Variants in NBEAL1 observed in about 807,000 individuals in gnomAD.
NBEAL1 encodes neurobeachin like 1.
A neutral mutation model predicts 351.3 loss-of-function variants in NBEAL1; 273 were observed. The observed-to-expected ratio is 0.78, with a 90% confidence interval of 0.70 to 0.86. The LOEUF (loss-of-function observed/expected upper bound fraction) is 0.86. Among genes scored for constraint, NBEAL1 ranks in the 40% least tolerant of loss-of-function variants. The pLI is 0.00. For missense variants in NBEAL1, 2,961 were observed against 3,201.3 expected (o/e 0.92, Z 1.81); for synonymous variants, 1,050 against 1,086.4 (o/e 0.97, Z 0.66).
chr2:203,167,408 G>A (rs1399839437), intron 38 of NBEAL1, 48 bp downstream of exon 38: 11 of 1,528,662 alleles, frequency 7.2e-6, no homozygotes, highest in Non-Finnish European at 9.7e-6. Flanking sequence ...CTTTAAATAC[G>A]TTTCCAGCTA....
chr2:203,072,092 C>G (rs990682596), intron 7 of NBEAL1, among the ~76,000 whole-genome samples: 6 of 152,206 alleles, frequency 3.9e-5, no homozygotes, highest in African/African-American at 1.4e-4. Context: ...GAGGAAACAG[C>G]CTTGCCTCCT....
At chr2:203,085,315 CTT>C (rs1264566630) in intron 10 of NBEAL1, 5 of 152,236 alleles carry the variant, frequency 3.3e-5, no homozygotes, top group Non-Finnish European at 7.3e-5. Flanking sequence ...GTCTCCATCT[CTT>C]GACCTTGTGA....
At chr2:203,201,870 A>T (rs2065409319) in intron 50 of NBEAL1, among the ~76,000 whole-genome samples, 155 bp downstream of exon 50, 1 of 152,162 alleles carries the variant, frequency 6.6e-6, no homozygotes, top group African/African-American at 2.4e-5. Context: ...TACTTTCTAT[A>T]GGAGTGTCTC....
rs10169440 is a variant in NBEAL1, at chr2:203,214,372, A to C, written c.8070+719A>C. On this transcript the variant is annotated intron_variant, in intron 55 of 55. Coordinates refer to ENST00000683969, the MANE Select transcript of NBEAL1 (RefSeq NM_001378026.1). ...TACCGTCACACAGTCAGTGGCTATA[A>C]TAACCTGTTAAAGATCGTAAAAACC... Among the ~76,000 whole-genome samples, 716 of 152,370 alleles carry C rather than the reference A, an allele frequency of 4.7e-3. 6 individuals are homozygous for C. The highest frequency in any genetic ancestry group is 0.017 in the African/African-American group (687 of 41,590).
chr2:203,086,709 A>G (rs1405588354), intron 10 of NBEAL1, among the ~76,000 whole-genome samples: 1 of 152,050 alleles, frequency 6.6e-6, no homozygotes, highest in African/African-American at 2.4e-5. Context: ...TAATCTTTGT[A>G]TTTTTAGTAG....
At chr2:203,181,236 T>C (rs1478902392) in intron 43 of NBEAL1, 1 of 151,988 alleles carries the variant, frequency 6.6e-6, no homozygotes, top group African/African-American at 2.4e-5. Flanking sequence ...CCGGCCAGCT[T>C]CATTTTTGTG....
At chr2:203,204,893 T>C (rs2065509868) in intron 51 of NBEAL1, among the ~76,000 whole-genome samples, 1 of 152,160 alleles carries the variant, frequency 6.6e-6, no homozygotes, top group African/African-American at 2.4e-5. Context: ...TCAACTCTCA[T>C]GGTTATTAGT....
rs963723437 is a variant in NBEAL1 at position 203,218,174 on chromosome 2, G to A, written c.*820G>A. 2 of 154,270 alleles carry A rather than the reference G, an allele frequency of 1.3e-5. No individual in the cohort carries two copies. Among genetic ancestry groups the A allele is most frequent in the Admixed American group, 6.5e-5 (1 of 15,286 alleles). 9.6% of individuals were successfully genotyped at this position (154,270 alleles called of 1,614,324 possible). A position where few individuals can be genotyped will look rare whatever the true frequency, so the allele number is the denominator to read the frequency against. On this transcript the variant is annotated 3_prime_UTR_variant, in exon 56 of 56. Transcript: ENST00000683969. ...GTTTTACTCTAATAATTAAGAGTTA[G>A]TAGTACCCAAATATGTTGAATTTTT...
At chr2:203,213,461 C>A (rs1302325191) in intron 54 of NBEAL1, 57 bp from the exon 55 acceptor site, 2 of 1,439,624 alleles carry the variant, frequency 1.4e-6, no homozygotes, top group Non-Finnish European at 1.9e-6. Context: ...ATATAAAATT[C>A]TGTGAATTCA....
rs771856021 is a variant in NBEAL1, at chr2:203,193,785, T to C, written c.6922-10T>C. On this transcript the variant is annotated splice_polypyrimidine_tract_variant and intron_variant, in intron 46 of 55. Transcript: ENST00000683969. ...ATATGGAATTGTTTTTCCTTAAAAT[T>C]ATTTTGAAGGAACCACACCCTCCAA... The C allele has an allele frequency of 6.3e-6, 10 of 1,589,088 alleles. No homozygotes were observed. The Admixed American group carries it at 6.9e-5, about 11-fold the overall frequency.
At chr2:203,131,395 T>C (rs1302913020) in intron 25 of NBEAL1, among the ~76,000 whole-genome samples, 1 of 152,184 alleles carries the variant, frequency 6.6e-6, no homozygotes, top group East Asian at 1.9e-4. Context: ...TTTGTATTTT[T>C]AGTAGAGACA....
chr2:203,134,651 G>T (rs1671648821), intron 27 of NBEAL1, among the ~76,000 whole-genome samples: 2 of 152,242 alleles, frequency 1.3e-5, no homozygotes, highest in South Asian at 4.1e-4. Flanking sequence ...TGTCTTAAAA[G>T]ATCTTAACTG....
At chr2:203,060,948 T>C (rs2061489886) in intron 6 of NBEAL1, among the ~76,000 whole-genome samples, 1 of 152,236 alleles carries the variant, frequency 6.6e-6, no homozygotes, top group African/African-American at 2.4e-5. Flanking sequence ...ACCATGTGTC[T>C]TTGAACATGT....
chr2:203,088,428 G>A (rs1399368009), intron 10 of NBEAL1, among the ~76,000 whole-genome samples: 1 of 152,132 alleles, frequency 6.6e-6, no homozygotes, highest in Admixed American at 6.5e-5. Flanking sequence ...CAGTGATGGG[G>A]TCACCAAAGC....
chr2:203,197,501 G>T (rs150705368), intron 48 of NBEAL1, 110 bp downstream of exon 48: 7 of 655,522 alleles, frequency 1.1e-5, no homozygotes, highest in Non-Finnish European at 1.8e-5. Context: ...GTGCATGGTG[G>T]TTCATGCCTG....
chr2:203,202,716 T>A lies in NBEAL1; in HGVS notation c.7441T>A (p.Cys2481Ser). Residue 2481 changes from cysteine (C) to serine (S), a missense_variant, in exon 51 of 56, where the codon TGT (cysteine) becomes AGT (serine). Coordinates refer to ENST00000683969, the MANE Select transcript of NBEAL1 (RefSeq NM_001378026.1). ...TGTGACTTGCTTAGCTACAGATTAC[T>A]GTGGAATACATTTGATTTCTGGTTC... ...DIVTCLATDY[C>S]GIHLISGSRD... 6.3e-7 allele frequency: 1 copy of A among 1,599,994 alleles called. No homozygotes were observed. Among genetic ancestry groups the A allele is most frequent in the South Asian group, 1.1e-5 (1 of 90,672 alleles).
intron 54 of NBEAL1, among the ~76,000 whole-genome samples, chr2:203,212,863 G>A (rs190093507): frequency 2.2e-4 from 34 of 152,198 alleles, no homozygotes; most frequent in South Asian, 1.5e-3. Context: ...GCACAAAGAC[G>A]TAGGAACAGC....
chr2:203,027,969 C>T (rs555840951), intron 2 of NBEAL1, among the ~76,000 whole-genome samples: 25 of 152,134 alleles, frequency 1.6e-4, no homozygotes, highest in African/African-American at 4.8e-4. Context: ...CTGCAGCCTC[C>T]GCCTCTGGGG....
chr2:203,133,599 C>T (rs1018362066), intron 27 of NBEAL1, among the ~76,000 whole-genome samples: 7 of 151,940 alleles, frequency 4.6e-5, no homozygotes, highest in Middle Eastern at 3.4e-3. Context: ...CTTCCCCTTT[C>T]AGATCATAAC....
Sources: allele counts gnomAD v4.1 joint callset (sites outside exome capture counted in the v4.1 genomes callset), GRCh38; gene constraint gnomAD v4.1.1; transcripts MANE v1.5; gene names NCBI Gene and HGNC (gene_info 2026-07-23, HGNC 2026-07-21).